LRRC37A2: variants seen among roughly 807,000 people sequenced by gnomAD.
The protein encoded by LRRC37A2 is leucine rich repeat containing 37 member A2, also known as leucine-rich repeat-containing protein 37A2.
LRRC37A2 carries 9 observed loss-of-function variants against 68.8 expected under a neutral mutation model. The ratio of observed to expected loss-of-function variants is 0.13; its 90% confidence interval spans 0.08 to 0.23. The LOEUF (loss-of-function observed/expected upper bound fraction) is 0.23, where lower values mean the gene tolerates loss of function less well. Among genes scored for constraint, LRRC37A2 ranks in the 10% least tolerant of loss-of-function variants. The pLI is 1.00. For synonymous variants in LRRC37A2, 63 were observed against 367.6 expected (o/e 0.17, Z 9.48); for missense variants, 168 against 950.4 (o/e 0.18, Z 10.82).
At chr17:46,972,451 A>G in the LRRC37A2 span, among the ~76,000 whole-genome samples, 7 of 152,226 alleles carry the variant, frequency 4.6e-5, no homozygotes, top group Admixed American at 4.6e-4. Flanking sequence ...AGGGTTGCAC[A>G]CTGGGCACCC....
intron 6 of LRRC37A2, among the ~76,000 whole-genome samples, chr17:46,532,075 C>T (rs2053729527): frequency 6.6e-6 from 1 of 150,450 alleles, no homozygotes; most frequent in African/African-American, 2.5e-5. Context: ...CAGAGTGAGA[C>T]TCCAATGGAG....
chr17:46,534,572 A>AATGG (rs2054288371), intron 6 of LRRC37A2, among the ~76,000 whole-genome samples: 2 of 147,608 alleles, frequency 1.4e-5, no homozygotes, highest in South Asian at 4.3e-4. Context: ...TACAGAACAA[A>AATGG]ATGGAGTCTT....
At chr17:46,774,758 G>A in the LRRC37A2 span, among the ~76,000 whole-genome samples, 3 of 152,192 alleles carry the variant, frequency 2.0e-5, no homozygotes, top group Non-Finnish European at 4.4e-5. Context: ...GGGCAGAAGA[G>A]TTTAAAATAC....
chr17:46,878,405 G>A, the LRRC37A2 span, among the ~76,000 whole-genome samples: 1 of 152,212 alleles, frequency 6.6e-6, no homozygotes, highest in Non-Finnish European at 1.5e-5. Context: ...GAGCTGCCCA[G>A]TCTCCAGTGG....
the LRRC37A2 span, chr17:46,978,436 C>G: frequency 1.8e-6 from 1 of 554,358 alleles, no homozygotes. Context: ...TCTCCCACCC[C>G]GCAACGCTGC....
the LRRC37A2 span, among the ~76,000 whole-genome samples, chr17:47,000,524 G>A: frequency 6.6e-6 from 1 of 151,960 alleles, no homozygotes; most frequent in Non-Finnish European, 1.5e-5. Flanking sequence ...CTGAGCCACC[G>A]TGCCCGGCCC....
At chr17:46,736,360 T>G in the LRRC37A2 span, among the ~76,000 whole-genome samples, 1 of 152,174 alleles carries the variant, frequency 6.6e-6, no homozygotes, top group Admixed American at 6.5e-5. Flanking sequence ...CCTTTTCTCC[T>G]AACTCATGGT....
At chr17:46,736,167 A>G in the LRRC37A2 span, among the ~76,000 whole-genome samples, 2 of 152,172 alleles carry the variant, frequency 1.3e-5, no homozygotes, top group East Asian at 1.9e-4. Flanking sequence ...AGCTTCCTAC[A>G]TCCTAAGACA....
At chr17:46,756,780 A>G in the LRRC37A2 span, 10 of 152,742 alleles carry the variant, frequency 6.5e-5, no homozygotes, top group East Asian at 3.9e-4. Context: ...CTAAAACACT[A>G]TTCTCCAGAA....
the LRRC37A2 span, among the ~76,000 whole-genome samples, chr17:46,867,999 G>C: frequency 6.6e-6 from 1 of 152,246 alleles, no homozygotes; most frequent in East Asian, 1.9e-4. Flanking sequence ...GGAGGAGGCG[G>C]CCGCTGTTCA....
chr17:46,718,957 A>G, the LRRC37A2 span, among the ~76,000 whole-genome samples: 3 of 152,340 alleles, frequency 2.0e-5, no homozygotes, highest in East Asian at 5.8e-4. Flanking sequence ...ACATAGTGCT[A>G]TCAAAACTCT....
At chr17:46,941,950 AAAG>A in the LRRC37A2 span, 2 of 985,068 alleles carry the variant, frequency 2.0e-6, no homozygotes, top group African/African-American at 3.5e-5. Flanking sequence ...CTTCTGTCTC[AAAG>A]ATGATCACAT....
the LRRC37A2 span, chr17:46,936,854 G>C: frequency 1.0e-6 from 1 of 982,800 alleles, no homozygotes; most frequent in African/African-American, 1.8e-5. Context: ...TCTGGCTGAG[G>C]CTTCTTAATT....
chr17:46,978,566 G>T, the LRRC37A2 span: 2 of 1,480,004 alleles, frequency 1.4e-6, no homozygotes, highest in South Asian at 2.6e-5. Flanking sequence ...CGGCGGCAGA[G>T]CGCAGAGAGC....
the LRRC37A2 span, chr17:46,872,385 C>T: frequency 3.5e-5 from 47 of 1,329,548 alleles, no homozygotes; most frequent in South Asian, 4.3e-4. Context: ...AAAATGGGGA[C>T]GGGACCTCCA....
the LRRC37A2 span, among the ~76,000 whole-genome samples, chr17:46,956,952 A>C: frequency 6.6e-6 from 1 of 152,194 alleles, no homozygotes; most frequent in East Asian, 1.9e-4. Flanking sequence ...CACAAGAAGG[A>C]AAAATAGCTG....
chr17:46,797,945 T>G, the LRRC37A2 span, among the ~76,000 whole-genome samples: 1 of 152,156 alleles, frequency 6.6e-6, no homozygotes, highest in African/African-American at 2.4e-5. Flanking sequence ...GTTTGTTGGT[T>G]TTTTGTTTTT....
chr17:46,818,648 C>A, the LRRC37A2 span: 22 of 1,488,618 alleles, frequency 1.5e-5, no homozygotes, highest in Non-Finnish European at 1.9e-5. Flanking sequence ...AGAGGGGGAG[C>A]GACGCCCCCA....
the LRRC37A2 span, chr17:46,876,646 G>A: frequency 6.2e-7 from 1 of 1,607,352 alleles, no homozygotes; most frequent in Non-Finnish European, 8.5e-7. Context: ...GCCACTGCCA[G>A]GTGCAGTGGT....
Sources: allele counts gnomAD v4.1 joint callset (sites outside exome capture counted in the v4.1 genomes callset), GRCh38; gene constraint gnomAD v4.1.1; transcripts MANE v1.5; gene names NCBI Gene and HGNC (gene_info 2026-07-23, HGNC 2026-07-21).